Variants in ATL3 observed in about 807,000 individuals in gnomAD.
ATL3 encodes the protein atlastin-3.
Under a neutral mutation model 69.5 loss-of-function variants are expected in ATL3, and 49 were observed. That is an observed-to-expected ratio of 0.71 (90% CI 0.56 to 0.89). The LOEUF (loss-of-function observed/expected upper bound fraction) is 0.89, where lower values mean the gene tolerates loss of function less well. ATL3 is among the 40% of genes least tolerant of loss of function. The probability of loss-of-function intolerance (pLI) is 0.00; values close to 1 mark genes in which losing one functional copy is unlikely to be tolerated. For synonymous variants in ATL3, 214 were observed against 224.1 expected, an observed-to-expected ratio of 0.95 and a Z score of 0.40; for missense variants, 606 against 645.7, an observed-to-expected ratio of 0.94 and a Z score of 0.67.
chr11:63,651,366 A>AT (rs1160037769), intron 5 of ATL3, among the ~76,000 whole-genome samples: 1 of 151,956 alleles, frequency 6.6e-6, no homozygotes, highest in African/African-American at 2.4e-5. Context: ...AGATTGCATC[A>AT]TTGCACTCCA....
Position 63,659,145 on chromosome 11 carries a change from G to T in ATL3, c.154C>A (p.Gln52Lys), listed in dbSNP as rs1940347867. 3 of 1,614,092 alleles carry T rather than the reference G, an allele frequency of 1.9e-6. No individual in the cohort carries two copies. The highest frequency in any genetic ancestry group is 2.5e-6 in the Non-Finnish European group (3 of 1,180,026). The change falls in exon 2 of 13, where the codon CAG becomes AAG. Residue 52 changes from glutamine to lysine, a missense_variant. Gln to Lys is a moderately conservative substitution (Grantham distance 53). Transcript: ENST00000398868. The stretch of plus-strand genomic sequence containing the variant: ...ACATCAAGATCTCGGATGTGGTCCT[G>T]CAAGAGGATGCTGGCCAAGGCTTTC... ...DEKALASILLQDHIRDLDVVV... is the reference protein window; with the variant it reads ...DEKALASILLKDHIRDLDVVV...
chr11:63,665,345 C>CAAAA (rs1234905053), intron 1 of ATL3, among the ~76,000 whole-genome samples: 1 of 75,248 alleles, frequency 1.3e-5, no homozygotes, highest in Non-Finnish European at 2.8e-5. Context: ...GACTCCATCT[C>CAAAA]AAAAAAAAAA....
chr11:63,646,578 C>A lies in ATL3; in HGVS notation c.562-15G>T. 3.8e-6 allele frequency: 6 copies of A among 1,586,388 alleles called. No individual in the cohort carries two copies. Among genetic ancestry groups the A allele is most frequent in the Non-Finnish European group, 5.1e-6 (6 of 1,167,950 alleles). ...TCTGTGAAGAGCTTTAAAAAAGAAG[C>A]ATTATGGTTTGTAAAGCAAAATTAC... On this transcript the variant is annotated splice_polypyrimidine_tract_variant and intron_variant, in intron 5 of 12. Transcript: ENST00000398868.
chr11:63,655,735 C>T (rs552313928), intron 3 of ATL3, among the ~76,000 whole-genome samples: 4 of 152,036 alleles, frequency 2.6e-5, no homozygotes, highest in Admixed American at 1.3e-4. Flanking sequence ...CGTGCGCCAC[C>T]GCGCCGGCCA....
chr11:63,669,182 C>G (rs2134549538), intron 1 of ATL3, among the ~76,000 whole-genome samples: 1 of 152,144 alleles, frequency 6.6e-6, no homozygotes, highest in Non-Finnish European at 1.5e-5. Flanking sequence ...AGCCTGTCTT[C>G]TAATCTGTTA....
At chr11:63,635,480 A>C in intron 10 of ATL3, 54 bp downstream of exon 10, 1 of 1,414,298 alleles carries the variant, frequency 7.1e-7, no homozygotes, top group Admixed American at 1.8e-5. Context: ...TATTGTATAC[A>C]GGTCAACTCA....
At chr11:63,632,771 T>C in intron 11 of ATL3, 1 of 883,304 alleles carries the variant, frequency 1.1e-6, no homozygotes, top group South Asian at 1.5e-5. Context: ...CTCATGTGAA[T>C]TTATTACTCC....
chr11:63,652,058 T>C (rs1005931530), intron 4 of ATL3, 72 bp from the exon 5 acceptor site: 1 of 1,544,944 alleles, frequency 6.5e-7, no homozygotes, highest in South Asian at 1.3e-5. Context: ...CCTAAAGGGC[T>C]GACAGAAGCT....
rs1939144417 is a variant in ATL3, at chr11:63,627,262, T to G, written c.*2057A>C. On this transcript the variant is annotated 3_prime_UTR_variant, in exon 13 of 13. Transcript: ENST00000398868. ...AGAGAGATAAGAGGTCACCTGAAAA[T>G]GCACCAACATTTCAGAAGCAAGCTT... 1 of 152,150 alleles carries G rather than the reference T, an allele frequency of 6.6e-6. No homozygotes were observed. The highest frequency in any genetic ancestry group is 1.5e-5 in the Non-Finnish European group (1 of 68,024). 9.4% of individuals were successfully genotyped at this position (152,150 alleles called of 1,614,324 possible). A position where few individuals can be genotyped will look rare whatever the true frequency, so the allele number is the denominator to read the frequency against.
intron 1 of ATL3, among the ~76,000 whole-genome samples, chr11:63,669,499 C>A (rs1001925028): frequency 6.7e-6 from 1 of 150,180 alleles, no homozygotes; most frequent in Middle Eastern, 3.4e-3. Context: ...CGCGCCATTG[C>A]ACTCCACCCT....
intron 10 of ATL3, among the ~76,000 whole-genome samples, chr11:63,634,038 C>CAAAAAAAAA (rs1158615731): frequency 1.3e-5 from 1 of 76,102 alleles, no homozygotes; most frequent in African/African-American, 4.8e-5. Flanking sequence ...CTGTCTCAAA[C>CAAAAAAAAA]AAAAAAAAAA....
Position 63,639,814 on chromosome 11 carries a change from TA to T in ATL3, c.851-3481del, listed in dbSNP as rs571938622. 1.4e-4 allele frequency among the ~76,000 whole-genome samples: 22 copies of T among 152,314 alleles called. No homozygotes were observed. The South Asian group carries it at 4.4e-3, about 30-fold the overall frequency. On this transcript the variant is annotated intron_variant, in intron 8 of 12. Coordinates refer to ENST00000398868, the MANE Select transcript of ATL3 (RefSeq NM_015459.5). ...GAATGCATACAAATTTTAAAGTACT[TA>T]TTTTTTTTAAATAAATAGGATCATA...
chr11:63,671,408 G>A (rs564798115), upstream of ATL3: 49 of 1,521,426 alleles, frequency 3.2e-5, no homozygotes, highest in African/African-American at 6.0e-4. Context: ...GAACGAACCG[G>A]GCCCTGGAAG....
Position 63,644,212 on chromosome 11 carries a change from T to C in ATL3, c.668A>G (p.Tyr223Cys), listed in dbSNP as rs1377505644. The change falls in exon 7 of 13, where the codon TAT (tyrosine) becomes TGT (cysteine). Residue 223 changes from tyrosine (Y) to cysteine (C), a missense_variant. By Grantham distance (194) the Tyr-to-Cys change is radical. Coordinates refer to ENST00000398868, the MANE Select transcript of ATL3 (RefSeq NM_015459.5). ...AAATGCCATTCCTCCTTGGAGTCCA[T>C]AGCTATATTCATAAGGGAAACTCCA... ...RDWSFPYEYS[Y>C]GLQGGMAFLD... 7 of 1,611,786 alleles carry C rather than the reference T, an allele frequency of 4.3e-6. No homozygotes were observed. The highest frequency in any genetic ancestry group is 1.7e-4 in the Middle Eastern group (1 of 6,058).
intron 5 of ATL3, among the ~76,000 whole-genome samples, chr11:63,648,249 C>G (rs1939951729): frequency 6.6e-6 from 1 of 152,208 alleles, no homozygotes; most frequent in African/African-American, 2.4e-5. Flanking sequence ...TTAGCCCTCT[C>G]ACCCTACTGG....
chr11:63,634,038 CAA>C (rs1158615731), intron 10 of ATL3, among the ~76,000 whole-genome samples: 34 of 76,084 alleles, frequency 4.5e-4, no homozygotes, highest in Middle Eastern at 9.4e-3. Context: ...CTGTCTCAAA[CAA>C]AAAAAAAAAA....
At chr11:63,630,914 C>T in intron 12 of ATL3, 126 bp downstream of exon 12, 1 of 768,492 alleles carries the variant, frequency 1.3e-6, no homozygotes, top group South Asian at 2.0e-5. Context: ...CAGAAAACAA[C>T]AGCCAACGGA....
intron 8 of ATL3, among the ~76,000 whole-genome samples, chr11:63,641,906 G>T (rs1939712841): frequency 6.6e-6 from 1 of 152,172 alleles, no homozygotes; most frequent in Admixed American, 6.5e-5. Context: ...ATGTGTGTGT[G>T]TTTATACTGG....
chr11:63,668,833 G>T (rs1940673581), intron 1 of ATL3, among the ~76,000 whole-genome samples: 1 of 95,892 alleles, frequency 1.0e-5, no homozygotes, highest in Non-Finnish European at 1.9e-5. Flanking sequence ...GTCTCACTCT[G>T]TTGCCTAGGC....
Sources: allele counts gnomAD v4.1 joint callset (sites outside exome capture counted in the v4.1 genomes callset), GRCh38; gene constraint gnomAD v4.1.1; transcripts MANE v1.5; gene names NCBI Gene and HGNC (gene_info 2026-07-23, HGNC 2026-07-21).